Variants in PDLIM5 observed in about 807,000 individuals in gnomAD.
The protein encoded by PDLIM5 is PDZ and LIM domain 5.
In PDLIM5, 34 loss-of-function variants were observed where a neutral mutation model predicts 64.2. The observed-to-expected ratio is 0.53, with a 90% CI of 0.40 to 0.71. The LOEUF (loss-of-function observed/expected upper bound fraction) is 0.71. Among genes scored for constraint, PDLIM5 ranks in the 30% least tolerant of loss-of-function variants. The probability of loss-of-function intolerance (pLI) is 0.00; values close to 1 mark genes in which losing one functional copy is unlikely to be tolerated. For missense variants in PDLIM5, 683 were observed against 733.6 expected (o/e 0.93, Z 0.80); for synonymous variants, 253 against 269.1 (o/e 0.94, Z 0.59).
intron 7 of PDLIM5, among the ~76,000 whole-genome samples, chr4:94,607,764 C>T (rs1245644848): frequency 3.9e-5 from 6 of 152,034 alleles, no homozygotes; most frequent in African/African-American, 1.4e-4. Flanking sequence ...TTAAAGCATT[C>T]AAAACACGTA....
At position 94,575,736 on chromosome 4, in the gene PDLIM5, C is replaced by G; in HGVS notation, c.412C>G (p.Pro138Ala). ...ACGGCCTTTTGGTTCTGTGTCTTCA[C>G]CAAAAGTCACATCCATCCCATCACC... ...APRPFGSVSS[P>A]KVTSIPSPSS... The change falls in exon 5 of 13, where the codon CCA (proline) becomes GCA (alanine). Residue 138 changes from proline (P) to alanine (A), a missense_variant. By Grantham distance (27) the Pro-to-Ala change is conservative (BLOSUM62 -1). Coordinates refer to ENST00000317968, the MANE Select transcript of PDLIM5 (RefSeq NM_006457.5). The G allele has an allele frequency of 6.2e-7, 1 of 1,614,144 alleles. No homozygotes were observed. The highest frequency in any genetic ancestry group is 8.5e-7 in the Non-Finnish European group (1 of 1,179,988).
intron 2 of PDLIM5, among the ~76,000 whole-genome samples, chr4:94,518,943 C>T (rs1443663290): frequency 6.6e-6 from 1 of 152,094 alleles, no homozygotes; most frequent in East Asian, 1.9e-4. Context: ...GCTTCTTCAC[C>T]AACATCGCTT....
intron 5 of PDLIM5, chr4:94,577,204 C>T: frequency 2.2e-6 from 1 of 457,114 alleles, no homozygotes; most frequent in Non-Finnish European, 4.4e-6. Flanking sequence ...TGGTTTTTAC[C>T]AATGCCAGTT....
intron 7 of PDLIM5, among the ~76,000 whole-genome samples, chr4:94,592,995 T>C (rs1736787526): frequency 6.6e-6 from 1 of 152,102 alleles, no homozygotes; most frequent in Non-Finnish European, 1.5e-5. Context: ...GTAGGAATAA[T>C]TTTGTCACCT....
chr4:94,617,968 C>T, intron 7 of PDLIM5, 36 bp from the exon 8 acceptor site: 2 of 1,220,408 alleles, frequency 1.6e-6, no homozygotes, highest in Non-Finnish European at 2.2e-6. Flanking sequence ...ACGTTGCTAC[C>T]ACTTCACCAA....
chr4:94,599,431 T>TA (rs369690405), intron 7 of PDLIM5, among the ~76,000 whole-genome samples: 4 of 151,676 alleles, frequency 2.6e-5, no homozygotes, highest in Admixed American at 2.6e-4. Context: ...TTTGGTACAG[T>TA]AAAAAAAGCT....
intron 8 of PDLIM5, among the ~76,000 whole-genome samples, chr4:94,635,780 C>G (rs1185537669): frequency 6.6e-6 from 1 of 152,198 alleles, no homozygotes. Flanking sequence ...TCAAAGGTTG[C>G]CCATTCCTGT....
chr4:94,609,843 AGTT>A (rs1738221808), intron 7 of PDLIM5, among the ~76,000 whole-genome samples: 2 of 152,152 alleles, frequency 1.3e-5, no homozygotes, highest in Admixed American at 6.5e-5. Context: ...TTTTCTACTA[AGTT>A]GTTGGCAAGT....
At chr4:94,638,071 G>A (rs976365386) in intron 8 of PDLIM5, among the ~76,000 whole-genome samples, 1 of 152,210 alleles carries the variant, frequency 6.6e-6, no homozygotes, top group Non-Finnish European at 1.5e-5. Context: ...CTTGGCAAGA[G>A]CTGGTAATAT....
At chr4:94,639,037 G>GT (rs1327183040) in intron 8 of PDLIM5, among the ~76,000 whole-genome samples, 1 of 152,174 alleles carries the variant, frequency 6.6e-6, no homozygotes, top group African/African-American at 2.4e-5. Context: ...GGGGAGAAAT[G>GT]TAATTCAGGG....
At chr4:94,477,682 T>C (rs981429861) in intron 2 of PDLIM5, among the ~76,000 whole-genome samples, 11 of 152,132 alleles carry the variant, frequency 7.2e-5, no homozygotes, top group African/African-American at 2.7e-4. Flanking sequence ...CTGAACCACA[T>C]GAGTTTGAAC....
intron 3 of PDLIM5, 35 bp from the exon 4 acceptor site, chr4:94,573,315 TA>T (rs765759376): frequency 5.1e-6 from 8 of 1,554,980 alleles, no homozygotes; most frequent in Admixed American, 3.4e-5. Flanking sequence ...AAAAATTCAT[TA>T]TTTTTTTTTT....
chr4:94,601,020 C>T (rs918504948), intron 7 of PDLIM5, among the ~76,000 whole-genome samples: 1 of 151,940 alleles, frequency 6.6e-6, no homozygotes, highest in African/African-American at 2.4e-5. Context: ...GTTATAAAGC[C>T]ATAGTTTGAA....
Position 94,614,280 on chromosome 4 carries a change from CAAT to C in PDLIM5, c.921-3723_921-3721del, listed in dbSNP as rs139587948. On this transcript the variant is annotated intron_variant, in intron 7 of 12. Transcript: ENST00000317968. Reference sequence around the variant, plus strand: ...CCAGCCAATCCTTTCATCTTTAGTACAATGTTTGTTTTTTTACAGAGACAAGGT... The same window carrying C: ...CCAGCCAATCCTTTCATCTTTAGTACGTTTGTTTTTTTACAGAGACAAGGT... Among the ~76,000 whole-genome samples, 5 of 151,918 alleles carry C rather than the reference CAAT, an allele frequency of 3.3e-5. No individual in the cohort carries two copies. In the East Asian group the frequency reaches 9.7e-4, roughly 29 times the overall value.
intron 3 of PDLIM5, among the ~76,000 whole-genome samples, chr4:94,571,061 G>A (rs1248705999): frequency 6.6e-6 from 1 of 152,132 alleles, no homozygotes; most frequent in Non-Finnish European, 1.5e-5. Context: ...ACATTAATTA[G>A]TTAAAAATAT....
intron 3 of PDLIM5, among the ~76,000 whole-genome samples, chr4:94,527,221 T>C (rs1299736827): frequency 6.6e-6 from 1 of 151,760 alleles, no homozygotes; most frequent in Non-Finnish European, 1.5e-5. Context: ...CACGCCCAGC[T>C]AATTTTTGTA....
intron 8 of PDLIM5, among the ~76,000 whole-genome samples, chr4:94,620,887 G>A (rs558349148): frequency 6.6e-6 from 1 of 151,702 alleles, no homozygotes; most frequent in South Asian, 2.1e-4. Context: ...CACCTGATGG[G>A]TAAAACCCTG....
At chr4:94,573,823 A>G (rs1735017334) in intron 4 of PDLIM5, 1 of 169,526 alleles carries the variant, frequency 5.9e-6, no homozygotes, top group African/African-American at 2.4e-5. Flanking sequence ...CTTCTTGCAT[A>G]TATGTCTTCA....
At chr4:94,598,440 G>A (rs1029864845) in intron 7 of PDLIM5, among the ~76,000 whole-genome samples, 23 of 152,118 alleles carry the variant, frequency 1.5e-4, no homozygotes, top group African/African-American at 4.8e-4. Flanking sequence ...GCTGTCTTTG[G>A]GTGAGAAGCA....
Sources: gnomAD v4.1 joint callset for allele counts (sites outside exome capture counted in the v4.1 genomes callset) on GRCh38, gnomAD v4.1.1 for gene constraint, MANE v1.5 for transcripts, NCBI Gene and HGNC (gene_info 2026-07-23, HGNC 2026-07-21) for gene names.